The following ANKRD7 variants were observed in gnomAD, a reference collection of about 807,000 sequenced individuals.
The protein encoded by ANKRD7 is ankyrin repeat domain 7, also known as ankyrin repeat domain-containing protein 7.
ANKRD7 carries 30 observed loss-of-function variants against 30.8 expected under a neutral mutation model. That is an observed-to-expected ratio of 0.97 (90% CI 0.73 to 1.32). The LOEUF (loss-of-function observed/expected upper bound fraction) is 1.32, where lower values mean the gene tolerates loss of function less well. Among genes scored for constraint, ANKRD7 ranks in the 40% most tolerant of loss-of-function variants. ANKRD7 has a pLI of 0.00. For missense variants in ANKRD7, 264 were observed against 295.7 expected (o/e 0.89, Z 0.79); for synonymous variants, 97 against 106.6 (o/e 0.91, Z 0.55).
chr7:118,233,488 G>T (rs528038208), intron 1 of ANKRD7, among the ~76,000 whole-genome samples: 8 of 152,102 alleles, frequency 5.3e-5, no homozygotes, highest in African/African-American at 1.9e-4. Flanking sequence ...TATTGCCATA[G>T]ATGGTAAGTT....
chr7:118,234,685 C>T lies in ANKRD7; in HGVS notation c.295-16C>T. Reference sequence around the variant, plus strand: ...GTAGTAAATTGGTTACTCATCTACTCTTGTTGCATTAACAGGCAGTACAGT... The same window carrying T: ...GTAGTAAATTGGTTACTCATCTACTTTTGTTGCATTAACAGGCAGTACAGT... On this transcript the variant is annotated splice_polypyrimidine_tract_variant and intron_variant, in intron 2 of 6. Transcript: ENST00000265224. 6.3e-7 allele frequency: 1 copy of T among 1,597,224 alleles called. No individual in the cohort carries two copies. The highest frequency in any genetic ancestry group is 8.5e-7 in the Non-Finnish European group (1 of 1,173,830).
At chr7:118,228,136 C>T in intron 1 of ANKRD7, 2 of 1,089,542 alleles carry the variant, frequency 1.8e-6, no homozygotes, top group Non-Finnish European at 2.4e-6. Context: ...GGCATTTCTC[C>T]TAATTCTGTG....
At chr7:118,241,606 C>T (rs1809848342) in intron 6 of ANKRD7, among the ~76,000 whole-genome samples, 1 of 133,258 alleles carries the variant, frequency 7.5e-6, no homozygotes, top group Non-Finnish European at 1.6e-5. Context: ...GTGATGCAAT[C>T]TCAGCTCACT....
intron 5 of ANKRD7, among the ~76,000 whole-genome samples, chr7:118,237,859 G>A (rs139916626): frequency 4.7e-4 from 71 of 152,114 alleles, no homozygotes; most frequent in Middle Eastern, 3.7e-3. Context: ...CAGACCATAT[G>A]CATAAAATCT....
intron 1 of ANKRD7, among the ~76,000 whole-genome samples, chr7:118,228,385 T>C (rs1003858606): frequency 2.6e-5 from 4 of 152,220 alleles, no homozygotes; most frequent in African/African-American, 4.8e-5. Context: ...TGCTAATACA[T>C]GTTTAATAAC....
chr7:118,226,973 T>G (rs1460972850), intron 1 of ANKRD7, among the ~76,000 whole-genome samples: 1 of 152,188 alleles, frequency 6.6e-6, no homozygotes, highest in Non-Finnish European at 1.5e-5. Flanking sequence ...CTATTTACAC[T>G]TAAAGTATTT....
intron 1 of ANKRD7, among the ~76,000 whole-genome samples, chr7:118,230,768 G>A (rs1809623538): frequency 6.6e-6 from 1 of 151,988 alleles, no homozygotes; most frequent in African/African-American, 2.4e-5. Context: ...GATAGAGTGA[G>A]ATGGTCATTG....
chr7:118,235,755 G>T (rs971537066), intron 3 of ANKRD7, among the ~76,000 whole-genome samples: 1 of 152,054 alleles, frequency 6.6e-6, no homozygotes. Context: ...TTGACAGTAT[G>T]CAATGCTTAC....
At chr7:118,236,997 A>C in intron 5 of ANKRD7, 71 bp downstream of exon 5, 1 of 1,524,976 alleles carries the variant, frequency 6.6e-7, no homozygotes, top group South Asian at 1.2e-5. Context: ...TAAGCCCCAA[A>C]GTACAAGGCT....
chr7:118,236,008 A>C, intron 3 of ANKRD7, 33 bp from the exon 4 acceptor site: 1 of 1,223,684 alleles, frequency 8.2e-7, no homozygotes, highest in Non-Finnish European at 1.2e-6. Context: ...AATTTGCTAC[A>C]ATATTTTAAT....
Position 118,242,630 on chromosome 7 carries a change from G to C in ANKRD7, c.*319G>C, listed in dbSNP as rs1048450644. 1 of 151,658 alleles carries C rather than the reference G, an allele frequency of 6.6e-6. No homozygotes were observed. Among genetic ancestry groups the C allele is most frequent in the African/African-American group, 2.4e-5 (1 of 41,312 alleles). The allele number at this position is 151,658 out of a possible 1,614,324, so 9.4% of individuals were successfully genotyped here. A position where few individuals can be genotyped will look rare whatever the true frequency, so the allele number is the denominator to read the frequency against. On this transcript the variant is annotated 3_prime_UTR_variant, in exon 7 of 7. Transcript: ENST00000265224. ...AAAATGTTGAATGGAATAATAATGA[G>C]GAAACTGTGTTAGGCATGTATTAAA...
At chr7:118,226,663 A>G (rs570888332) in intron 1 of ANKRD7, among the ~76,000 whole-genome samples, 2 of 152,318 alleles carry the variant, frequency 1.3e-5, no homozygotes, top group African/African-American at 4.8e-5. Context: ...AGAGGGGTTG[A>G]TCACAGTGTC....
chr7:118,227,624 T>C (rs1401021006), intron 1 of ANKRD7, among the ~76,000 whole-genome samples: 1 of 152,218 alleles, frequency 6.6e-6, no homozygotes, highest in Non-Finnish European at 1.5e-5. Context: ...TGGTTAATCT[T>C]TTTAATGTGG....
At chr7:118,241,160 CAAAAAAAA>C (rs60703234) in intron 6 of ANKRD7, among the ~76,000 whole-genome samples, 5 of 21,848 alleles carry the variant, frequency 2.3e-4, no homozygotes, top group Non-Finnish European at 5.7e-4. Flanking sequence ...GACTCCGTCT[CAAAAAAAA>C]AAAAAAAAAA....
chr7:118,230,359 A>G (rs1226529337), intron 1 of ANKRD7, among the ~76,000 whole-genome samples: 1 of 151,954 alleles, frequency 6.6e-6, no homozygotes, highest in Non-Finnish European at 1.5e-5. Flanking sequence ...TATTTGGGTA[A>G]TGAGTTCAGC....
At chr7:118,237,610 ATTC>A (rs1355647225) in intron 5 of ANKRD7, among the ~76,000 whole-genome samples, 11 of 151,900 alleles carry the variant, frequency 7.2e-5, no homozygotes, top group African/African-American at 2.2e-4. Context: ...AGTTTTTATT[ATTC>A]TTCTTCCACT....
intron 1 of ANKRD7, among the ~76,000 whole-genome samples, chr7:118,228,478 A>G (rs1388745024): frequency 2.0e-5 from 3 of 152,138 alleles, no homozygotes; most frequent in East Asian, 1.9e-4. Context: ...TAAGCTACCA[A>G]TGGGATATCA....
In ANKRD7 at chr7:118,225,100, A is replaced by G. The variant is rs1172857693; in HGVS notation, c.179+91A>G. 2.8e-6 allele frequency: 4 copies of G among 1,412,140 alleles called. No homozygotes were observed. In the African/African-American group the frequency reaches 4.4e-5, roughly 15 times the overall value. 87.5% of individuals were successfully genotyped at this position (1,412,140 alleles called of 1,614,324 possible). ...GACAAGTGGGGGCTGTTTGACACTGATTGTCACTCCGGGTTTCCCAAAGAA... is the reference window on the plus strand; with the variant it reads ...GACAAGTGGGGGCTGTTTGACACTGGTTGTCACTCCGGGTTTCCCAAAGAA... On this transcript the variant is annotated intron_variant, in intron 1 of 6. Coordinates refer to ENST00000265224, the MANE Select transcript of ANKRD7 (RefSeq NM_019644.4).
At chr7:118,234,912 A>G (rs1809701834) in intron 3 of ANKRD7, 38 bp downstream of exon 3, 1 of 1,506,454 alleles carries the variant, frequency 6.6e-7, no homozygotes. Flanking sequence ...TGTATTTTAG[A>G]AAGCAACTGA....
Sources: allele counts gnomAD v4.1 joint callset (sites outside exome capture counted in the v4.1 genomes callset), GRCh38; gene constraint gnomAD v4.1.1; transcripts MANE v1.5; gene names NCBI Gene and HGNC (gene_info 2026-07-23, HGNC 2026-07-21).